PALM2AKAP2: variants seen among roughly 807,000 people sequenced by gnomAD.
PALM2AKAP2 encodes the protein PALM2-AKAP2 fusion protein.
Under a neutral mutation model 71.5 loss-of-function variants are expected in PALM2AKAP2, and 37 were observed. The observed-to-expected ratio is 0.52, with a 90% CI of 0.40 to 0.68. The LOEUF (loss-of-function observed/expected upper bound fraction) is 0.68, where lower values mean the gene tolerates loss of function less well. Among genes scored for constraint, PALM2AKAP2 ranks in the 30% least tolerant of loss-of-function variants. PALM2AKAP2 has a pLI of 0.00. For missense variants in PALM2AKAP2, 1,224 were observed against 1,191.8 expected, an observed-to-expected ratio of 1.03 and a Z score of -0.40; for synonymous variants, 468 against 478.8, an observed-to-expected ratio of 0.98 and a Z score of 0.29.
intron 7 of PALM2AKAP2, among the ~76,000 whole-genome samples, chr9:110,033,706 T>G (rs1455074180): frequency 6.6e-6 from 1 of 152,210 alleles, no homozygotes; most frequent in Non-Finnish European, 1.5e-5. Context: ...CAAAAAATAT[T>G]TTAATTAAAA....
intron 1 of PALM2AKAP2, among the ~76,000 whole-genome samples, chr9:109,839,605 T>TGC (rs1828594473): frequency 3.9e-5 from 6 of 152,252 alleles, no homozygotes; most frequent in Admixed American, 3.9e-4. Context: ...TGTCCCTGTT[T>TGC]GCAGATGACA....
chr9:109,743,514 G>C (rs1396377566), intron 1 of PALM2AKAP2, among the ~76,000 whole-genome samples: 3 of 152,134 alleles, frequency 2.0e-5, no homozygotes, highest in African/African-American at 7.2e-5. Flanking sequence ...ATGTATGACT[G>C]CTGCCTCAAA....
chr9:109,784,779 T>C (rs1309903061), intron 1 of PALM2AKAP2, among the ~76,000 whole-genome samples: 1 of 152,238 alleles, frequency 6.6e-6, no homozygotes, highest in East Asian at 1.9e-4. Flanking sequence ...CCACCCAAGA[T>C]GGCGGCAGCG....
At chr9:109,730,421 C>T (rs200714692) in intron 1 of PALM2AKAP2, among the ~76,000 whole-genome samples, 35 of 152,158 alleles carry the variant, frequency 2.3e-4, no homozygotes, top group African/African-American at 6.0e-4. Flanking sequence ...CAGGGTCCTC[C>T]GTGCTGGTTT....
chr9:110,007,406 T>A (rs1427090590), intron 6 of PALM2AKAP2, among the ~76,000 whole-genome samples: 1 of 152,206 alleles, frequency 6.6e-6, no homozygotes, highest in Non-Finnish European at 1.5e-5. Context: ...TCTCTCAAAA[T>A]CTGAGCATCA....
At chr9:109,663,338 C>T (rs940767365) in intron 1 of PALM2AKAP2, among the ~76,000 whole-genome samples, 1 of 152,166 alleles carries the variant, frequency 6.6e-6, no homozygotes, top group African/African-American at 2.4e-5. Context: ...CTATAAATTT[C>T]CCTCTACACA....
chr9:109,948,630 G>A (rs951047712), intron 6 of PALM2AKAP2, among the ~76,000 whole-genome samples: 2 of 151,940 alleles, frequency 1.3e-5, no homozygotes, highest in African/African-American at 4.8e-5. Context: ...TCCTCATATT[G>A]CCTCTTCATA....
intron 7 of PALM2AKAP2, among the ~76,000 whole-genome samples, chr9:110,036,069 G>A (rs905443586): frequency 2.0e-5 from 3 of 151,940 alleles, no homozygotes; most frequent in Non-Finnish European, 4.4e-5. Context: ...AGCCTCCCGA[G>A]AGTACAGGCA....
intron 1 of PALM2AKAP2, among the ~76,000 whole-genome samples, chr9:109,790,724 G>A (rs911072971): frequency 1.3e-5 from 2 of 152,206 alleles, no homozygotes; most frequent in African/African-American, 4.8e-5. Context: ...TTTTTGTGGT[G>A]TGACTTGACA....
intron 1 of PALM2AKAP2, among the ~76,000 whole-genome samples, chr9:109,687,940 TAGAG>T (rs774662918): frequency 1.3e-5 from 2 of 152,142 alleles, no homozygotes; most frequent in Admixed American, 6.5e-5. Flanking sequence ...TCTCAGGAAA[TAGAG>T]AGGCTTAAGG....
At chr9:110,073,965 G>T (rs1186828951) in intron 1 of PALM2AKAP2, among the ~76,000 whole-genome samples, 1 of 152,164 alleles carries the variant, frequency 6.6e-6, no homozygotes, top group Non-Finnish European at 1.5e-5. Flanking sequence ...TAACTTGGCA[G>T]TAGAGAAACT....
intron 2 of PALM2AKAP2, among the ~76,000 whole-genome samples, chr9:109,868,184 AAGAG>A (rs539262999): frequency 2.0e-5 from 3 of 151,422 alleles, no homozygotes; most frequent in East Asian, 1.9e-4. Flanking sequence ...ACCATCTAAA[AAGAG>A]AGAGAGAGAG....
intron 1 of PALM2AKAP2, among the ~76,000 whole-genome samples, chr9:109,863,639 A>G (rs1303273584): frequency 6.6e-6 from 1 of 152,232 alleles, no homozygotes. Flanking sequence ...GGTGAGGAGC[A>G]CAGCTCAGAC....
intron 1 of PALM2AKAP2, among the ~76,000 whole-genome samples, chr9:109,838,690 G>A (rs919062457): frequency 6.6e-6 from 1 of 152,064 alleles, no homozygotes; most frequent in Admixed American, 6.6e-5. Context: ...ATTGATAAAG[G>A]GGATGTCACC....
intron 7 of PALM2AKAP2, among the ~76,000 whole-genome samples, chr9:110,020,150 C>T (rs1342882344): frequency 6.6e-6 from 1 of 152,190 alleles, no homozygotes; most frequent in African/African-American, 2.4e-5. Context: ...GATACACTGA[C>T]ACTTTTCAAG....
At chr9:110,008,302 C>A (rs1186536431) in intron 6 of PALM2AKAP2, among the ~76,000 whole-genome samples, 1 of 152,042 alleles carries the variant, frequency 6.6e-6, no homozygotes, top group Non-Finnish European at 1.5e-5. Flanking sequence ...AGTCCCAACA[C>A]AACTAAACCG....
rs142206916 is a variant in PALM2AKAP2 at position 109,934,223 on chromosome 9, T to C, written c.496+2195T>C. Among the ~76,000 whole-genome samples the C allele has an allele frequency of 5.6e-4, 86 of 152,304 alleles. 1 individual carries two copies. Among genetic ancestry groups the C allele is most frequent in the African/African-American group, 2.0e-3 (84 of 41,560 alleles). The stretch of plus-strand genomic sequence containing the variant: ...GGTCCTCAAACCCTGGTCACACACC[T>C]CTGTGATTCATGTTTAATCTTCCTC... On this transcript the variant is annotated intron_variant, in intron 6 of 9. Transcript: ENST00000302798.
chr9:110,068,085 C>CTTTTTT (rs1166191446), intron 1 of PALM2AKAP2, among the ~76,000 whole-genome samples: 1 of 94,024 alleles, frequency 1.1e-5, no homozygotes, highest in Non-Finnish European at 2.0e-5. Context: ...ATGTTCCAAA[C>CTTTTTT]TCTTTTTTTT....
intron 1 of PALM2AKAP2, among the ~76,000 whole-genome samples, chr9:109,769,850 G>A (rs1668040550): frequency 6.6e-6 from 1 of 152,006 alleles, no homozygotes. Context: ...TATCCTGGGA[G>A]GCAAGAATAG....
Sources: allele counts gnomAD v4.1 joint callset (sites outside exome capture counted in the v4.1 genomes callset), GRCh38; gene constraint gnomAD v4.1.1; transcripts MANE v1.5; gene names NCBI Gene and HGNC (gene_info 2026-07-23, HGNC 2026-07-21).